Variants in SYT14 observed in about 807,000 individuals in gnomAD.
The protein encoded by SYT14 is synaptotagmin 14, also known as synaptotagmin-14.
SYT14 carries 32 observed loss-of-function variants against 74.2 expected under a neutral mutation model. The ratio of observed to expected loss-of-function variants is 0.43; its 90% CI spans 0.33 to 0.58. The LOEUF is 0.58. Among genes scored for constraint, SYT14 ranks in the 20% least tolerant of loss-of-function variants. The pLI, the probability that SYT14 is intolerant of heterozygous loss-of-function variation, is 0.05. For synonymous variants in SYT14, 298 were observed against 337.7 expected, an observed-to-expected ratio of 0.88 and a Z score of 1.29; for missense variants, 791 against 981.8, an observed-to-expected ratio of 0.81 and a Z score of 2.60.
At chr1:209,982,936 C>G (rs1023706522) in intron 2 of SYT14, among the ~76,000 whole-genome samples, 1 of 152,158 alleles carries the variant, frequency 6.6e-6, no homozygotes, top group South Asian at 2.1e-4. Context: ...TTGCATTACC[C>G]TGATAACAGA....
At chr1:209,961,515 T>G (rs2079075085) in intron 2 of SYT14, among the ~76,000 whole-genome samples, 1 of 152,166 alleles carries the variant, frequency 6.6e-6, no homozygotes, top group Non-Finnish European at 1.5e-5. Context: ...GTCATTAAAT[T>G]CTTTGAGTCT....
At chr1:210,099,556 A>T (rs1173060664) in intron 6 of SYT14, among the ~76,000 whole-genome samples, 2 of 152,132 alleles carry the variant, frequency 1.3e-5, no homozygotes, top group Admixed American at 6.5e-5. Context: ...GTTTTAGAAC[A>T]ATCTCTGAAA....
intron 2 of SYT14, among the ~76,000 whole-genome samples, chr1:210,000,499 C>CACACAA (rs2079876796): frequency 1.3e-5 from 2 of 150,906 alleles, no homozygotes; most frequent in African/African-American, 4.9e-5. Context: ...CACACACACA[C>CACACAA]AATCTAAGAA....
At chr1:210,006,542 A>G (rs983363382) in intron 2 of SYT14, among the ~76,000 whole-genome samples, 7 of 151,946 alleles carry the variant, frequency 4.6e-5, no homozygotes, top group Non-Finnish European at 1.0e-4. Flanking sequence ...TGGTCAAGAG[A>G]TAGAATTGCA....
At chr1:210,086,198 G>A (rs1288552947) in intron 5 of SYT14, among the ~76,000 whole-genome samples, 1 of 152,042 alleles carries the variant, frequency 6.6e-6, no homozygotes, top group Non-Finnish European at 1.5e-5. Context: ...ATTTTGATTT[G>A]TCCTGTTTCT....
In SYT14 at chr1:209,981,576, G is replaced by C. The variant is rs140232515; in HGVS notation, c.-486+28820G>C. 8.2e-3 allele frequency among the ~76,000 whole-genome samples: 1,214 copies of C among 148,678 alleles called. 20 individuals carry two copies. The highest frequency in any genetic ancestry group is 0.029 in the African/African-American group (1,160 of 40,494). ...GGCAGTCCTCCCACCTTAGCCTCCC[G>C]AGTAGCTGGGACTACAGGTGTGTGC... On this transcript the variant is annotated intron_variant, in intron 2 of 9. Transcript: ENST00000637265.
intron 5 of SYT14, among the ~76,000 whole-genome samples, chr1:210,083,480 A>T (rs1455284005): frequency 6.6e-6 from 1 of 152,134 alleles, no homozygotes; most frequent in African/African-American, 2.4e-5. Context: ...TGGCACAATC[A>T]TAGCTCACTG....
At chr1:210,107,785 A>G (rs529194137) in intron 7 of SYT14, among the ~76,000 whole-genome samples, 3 of 152,258 alleles carry the variant, frequency 2.0e-5, no homozygotes, top group Admixed American at 1.3e-4. Context: ...AAGTATTTCT[A>G]TTCCTTTTTC....
chr1:209,946,642 A>G (rs1558085308), intron 1 of SYT14, among the ~76,000 whole-genome samples: 1 of 152,240 alleles, frequency 6.6e-6, no homozygotes, highest in Non-Finnish European at 1.5e-5. Flanking sequence ...TCCATAACAT[A>G]AAAGTGTGAG....
intron 2 of SYT14, 49 bp downstream of exon 2, chr1:209,952,805 A>G: frequency 6.7e-7 from 1 of 1,498,498 alleles, no homozygotes; most frequent in South Asian, 1.1e-5. Flanking sequence ...GAATACTTCC[A>G]AAGTGTATAA....
At chr1:210,151,460 T>C (rs1430832506) in intron 7 of SYT14, among the ~76,000 whole-genome samples, 2 of 151,728 alleles carry the variant, frequency 1.3e-5, no homozygotes, top group Non-Finnish European at 2.9e-5. Flanking sequence ...GGTCAAGTGG[T>C]TCTCTTCTGT....
At position 210,054,656 on chromosome 1, in the gene SYT14, G is replaced by A. The variant is rs187325034; in HGVS notation, c.1312+33402G>A. ...GACTTCACTGCTAGTTGATTGGGAA[G>A]GAATATGACCATTTCATTTCAGACT... is the stretch of plus-strand genomic sequence containing the variant. On this transcript the variant is annotated intron_variant, in intron 5 of 9. Coordinates refer to ENST00000637265, the Ensembl canonical transcript of SYT14. Among the ~76,000 whole-genome samples, 127 of 152,226 alleles carry A rather than the reference G, an allele frequency of 8.3e-4. 1 individual carries two copies. The highest frequency in any genetic ancestry group is 6.8e-3 in the Middle Eastern group (2 of 294).
At chr1:210,062,399 A>G (rs2081222207) in intron 5 of SYT14, among the ~76,000 whole-genome samples, 1 of 148,580 alleles carries the variant, frequency 6.7e-6, no homozygotes, top group Non-Finnish European at 1.5e-5. Context: ...TACTGGGTCA[A>G]TGATTTTTTT....
rs2083260779 is a variant in SYT14, at chr1:210,155,963, C to T, written c.2224+53C>T. 2.6e-6 allele frequency: 4 copies of T among 1,533,162 alleles called. 1 individual carries two copies. The South Asian group carries it at 4.6e-5, about 17-fold the overall frequency. 95.0% of individuals were successfully genotyped at this position (1,533,162 alleles called of 1,614,324 possible). A position where few individuals can be genotyped will look rare whatever the true frequency, so the allele number is the denominator to read the frequency against. On this transcript the variant is annotated intron_variant, in intron 8 of 9. Coordinates refer to ENST00000637265, the Ensembl canonical transcript of SYT14. ...TAATGTTTTCTGCACTTTTGGGACT[C>T]TCAGTATTAGGGAGTTCAATCCTAT... is the stretch of plus-strand genomic sequence containing the variant.
chr1:210,021,757 A>G (rs1481208619), intron 5 of SYT14, among the ~76,000 whole-genome samples: 1 of 152,178 alleles, frequency 6.6e-6, no homozygotes, highest in Non-Finnish European at 1.5e-5. Context: ...GTCTGAGATG[A>G]ATTTATTGAG....
chr1:209,983,605 T>TTGTG (rs372357337), intron 2 of SYT14, among the ~76,000 whole-genome samples: 1 of 151,988 alleles, frequency 6.6e-6, no homozygotes, highest in African/African-American at 2.4e-5. Context: ...CTGATTTTCT[T>TTGTG]TGTGTGTGTG....
At chr1:210,056,755 C>T (rs1230890342) in intron 5 of SYT14, among the ~76,000 whole-genome samples, 5 of 151,400 alleles carry the variant, frequency 3.3e-5, no homozygotes, top group African/African-American at 1.2e-4. Flanking sequence ...CACTGCACTC[C>T]AGCCTGGGCA....
intron 7 of SYT14, among the ~76,000 whole-genome samples, chr1:210,115,497 G>A (rs1280930902): frequency 6.6e-6 from 1 of 151,368 alleles, no homozygotes; most frequent in Non-Finnish European, 1.5e-5. Flanking sequence ...AACACCAAGG[G>A]AAGACTGTCT....
At chr1:210,055,695 C>T (rs2081083112) in intron 5 of SYT14, among the ~76,000 whole-genome samples, 1 of 150,222 alleles carries the variant, frequency 6.7e-6, no homozygotes, top group Non-Finnish European at 1.5e-5. Context: ...TGGTGGCGTG[C>T]TTGGGAGGCT....
Sources: gnomAD v4.1 joint callset for allele counts (sites outside exome capture counted in the v4.1 genomes callset) on GRCh38, gnomAD v4.1.1 for gene constraint, MANE v1.5 for transcripts, NCBI Gene and HGNC (gene_info 2026-07-23, HGNC 2026-07-21) for gene names.